Variants in STXBP5L observed in about 807,000 individuals in gnomAD.
STXBP5L encodes syntaxin binding protein 5L, also known as syntaxin-binding protein 5-like.
STXBP5L carries 65 observed loss-of-function variants against 144.5 expected under a neutral mutation model. The ratio of observed to expected loss-of-function variants is 0.45; its 90% CI spans 0.37 to 0.55. The LOEUF is 0.55. Among genes scored for constraint, STXBP5L ranks in the 20% least tolerant of loss-of-function variants. The pLI is 0.00. For missense variants in STXBP5L, 1,298 were observed against 1,405.5 expected, an observed-to-expected ratio of 0.92 and a Z score of 1.22; for synonymous variants, 505 against 469.6, an observed-to-expected ratio of 1.08 and a Z score of -0.97.
chr3:121,292,657 C>A (rs532370906), intron 19 of STXBP5L, among the ~76,000 whole-genome samples: 1 of 151,942 alleles, frequency 6.6e-6, no homozygotes, highest in African/African-American at 2.4e-5. Flanking sequence ...CATCAATCAA[C>A]GAGTGGATAA....
chr3:121,351,954 T>A (rs1297657557), intron 20 of STXBP5L, among the ~76,000 whole-genome samples: 3 of 152,152 alleles, frequency 2.0e-5, no homozygotes, highest in Non-Finnish European at 4.4e-5. Context: ...CTTTCCCCAT[T>A]TCTTATTTTT....
intron 7 of STXBP5L, among the ~76,000 whole-genome samples, chr3:121,124,760 C>T (rs2044626846): frequency 6.6e-6 from 1 of 151,720 alleles, no homozygotes; most frequent in African/African-American, 2.4e-5. Context: ...TTATATATAT[C>T]TTTTTTGTTT....
At chr3:121,178,620 T>A (rs1212770404) in intron 9 of STXBP5L, among the ~76,000 whole-genome samples, 3 of 152,068 alleles carry the variant, frequency 2.0e-5, no homozygotes, top group Admixed American at 6.6e-5. Flanking sequence ...ATGGGGAGAA[T>A]CTGCCTCTGA....
intron 2 of STXBP5L, among the ~76,000 whole-genome samples, chr3:120,936,047 T>C (rs1338817258): frequency 1.3e-5 from 2 of 152,196 alleles, no homozygotes; most frequent in Non-Finnish European, 2.9e-5. Context: ...TATTCGATTC[T>C]TCTTTTTTCT....
chr3:121,161,708 A>G (rs1296413672), intron 9 of STXBP5L, among the ~76,000 whole-genome samples: 1 of 152,062 alleles, frequency 6.6e-6, no homozygotes, highest in East Asian at 1.9e-4. Context: ...TATGGTTTCA[A>G]ATGTGTATTT....
chr3:121,337,438 G>GT lies in STXBP5L; in HGVS notation c.2176+18899dup, dbSNP rs1491533233. Among the ~76,000 whole-genome samples the GT allele has an allele frequency of 1.7e-4, 7 of 41,754 alleles. No individual in the cohort carries two copies. In the East Asian group the frequency reaches 2.3e-3, roughly 14 times the overall value. 27.4% of individuals were successfully genotyped at this position (41,754 alleles called of 152,430 possible). A position where few individuals can be genotyped will look rare whatever the true frequency, so the allele number is the denominator to read the frequency against. ...GAACAGACACTTTAAAGCAACAACA[G>GT]TAAAAAAAAAAAAAAAAAAAAGTCA... On this transcript the variant is annotated intron_variant, in intron 20 of 26. Transcript: ENST00000471454.
chr3:120,941,598 A>G (rs954145321), intron 2 of STXBP5L, among the ~76,000 whole-genome samples: 4 of 151,800 alleles, frequency 2.6e-5, no homozygotes, highest in Non-Finnish European at 5.9e-5. Context: ...CTAGATAAGG[A>G]ATTTATTTAA....
At chr3:120,971,652 C>G (rs1464575103) in intron 3 of STXBP5L, among the ~76,000 whole-genome samples, 1 of 151,650 alleles carries the variant, frequency 6.6e-6, no homozygotes, top group Non-Finnish European at 1.5e-5. Flanking sequence ...CACACACACA[C>G]ACACACACAC....
chr3:121,384,757 T>A (rs1370547741), intron 22 of STXBP5L, among the ~76,000 whole-genome samples: 3 of 152,024 alleles, frequency 2.0e-5, no homozygotes, highest in Non-Finnish European at 4.4e-5. Flanking sequence ...AATTTTAAAT[T>A]TTATAATTGT....
rs1468047475 is a variant in STXBP5L at position 121,423,401 on chromosome 3, T to C, written c.*4304T>C. 1 of 152,162 alleles carries C rather than the reference T, an allele frequency of 6.6e-6. No individual in the cohort carries two copies. The highest frequency in any genetic ancestry group is 2.4e-5 in the African/African-American group (1 of 41,430). The allele number at this position is 152,162 out of a possible 1,614,324, so 9.4% of individuals were successfully genotyped here. A position where few individuals can be genotyped will look rare whatever the true frequency, so the allele number is the denominator to read the frequency against. ...TGTGTATTTGCAGACAACATAGCCC[T>C]GAAAGCATGAAATGTAGAATAGGTA... On this transcript the variant is annotated 3_prime_UTR_variant, in exon 27 of 27. Transcript: ENST00000471454.
At chr3:120,956,191 T>G (rs1284330222) in intron 3 of STXBP5L, among the ~76,000 whole-genome samples, 1 of 151,908 alleles carries the variant, frequency 6.6e-6, no homozygotes, top group Non-Finnish European at 1.5e-5. Flanking sequence ...TAATTAGATA[T>G]TTTAGTTTTA....
intron 8 of STXBP5L, 41 bp from the exon 9 acceptor site, chr3:121,157,463 C>A: frequency 6.5e-7 from 1 of 1,532,976 alleles, no homozygotes; most frequent in South Asian, 1.3e-5. Flanking sequence ...AACCTATCTA[C>A]TTTTTTCCCC....
chr3:120,944,405 A>T (rs1253278606), intron 2 of STXBP5L, among the ~76,000 whole-genome samples: 1 of 151,722 alleles, frequency 6.6e-6, no homozygotes, highest in Admixed American at 6.6e-5. Flanking sequence ...ACTATGTTAA[A>T]AATAAAACTA....
chr3:121,120,075 T>C (rs1027615046), intron 6 of STXBP5L, among the ~76,000 whole-genome samples: 3 of 151,402 alleles, frequency 2.0e-5, no homozygotes, highest in Non-Finnish European at 4.4e-5. Context: ...CTTATTTGCA[T>C]AGTACAGGCT....
At chr3:121,054,403 A>T (rs889210461) in intron 5 of STXBP5L, among the ~76,000 whole-genome samples, 4 of 152,256 alleles carry the variant, frequency 2.6e-5, no homozygotes, top group Non-Finnish European at 5.9e-5. Context: ...ATGGAATACT[A>T]TGCAGCCATA....
chr3:121,087,934 C>G (rs1401753276), intron 5 of STXBP5L, among the ~76,000 whole-genome samples: 3 of 152,098 alleles, frequency 2.0e-5, no homozygotes, highest in Non-Finnish European at 4.4e-5. Context: ...AATGCAGAGA[C>G]TTTTCCTTTC....
chr3:121,240,553 T>A, intron 14 of STXBP5L, 46 bp downstream of exon 14: 1 of 1,551,298 alleles, frequency 6.4e-7, no homozygotes, highest in Non-Finnish European at 8.9e-7. Flanking sequence ...AACAAAAAGA[T>A]GTTTACTGAG....
At chr3:121,236,986 C>T (rs73191446) in intron 12 of STXBP5L, among the ~76,000 whole-genome samples, 5,411 of 152,266 alleles carry the variant, frequency 0.036, 145 homozygotes, top group Middle Eastern at 0.082. Flanking sequence ...TCTTTGACTC[C>T]ATGTCCTGCA....
rs572136107 is a variant in STXBP5L, at chr3:121,010,512, G to A, written c.288-31188G>A. On this transcript the variant is annotated intron_variant, in intron 3 of 26. Transcript: ENST00000471454. Reference sequence around the variant, plus strand: ...CTACCATCAATCCTGGCAAGCAGAAGAAACTATCACTGAGCTTCTCACTAG... The same window carrying A: ...CTACCATCAATCCTGGCAAGCAGAAAAAACTATCACTGAGCTTCTCACTAG... 3.3e-5 allele frequency among the ~76,000 whole-genome samples: 5 copies of A among 151,618 alleles called. No individual in the cohort carries two copies. The South Asian group carries it at 1.0e-3, about 31-fold the overall frequency.
Sources: allele counts gnomAD v4.1 joint callset (sites outside exome capture counted in the v4.1 genomes callset), GRCh38; gene constraint gnomAD v4.1.1; transcripts MANE v1.5; gene names NCBI Gene and HGNC (gene_info 2026-07-23, HGNC 2026-07-21).